Variants in BCOR observed in about 807,000 individuals in gnomAD.
BCOR encodes the protein BCL6 corepressor.
Under a neutral mutation model 86.7 loss-of-function variants are expected in BCOR, and 10 were observed. The ratio of observed to expected loss-of-function variants is 0.12; its 90% confidence interval spans 0.07 to 0.20. The LOEUF is 0.20. BCOR is among the 10% of genes least tolerant of loss of function. The pLI is 1.00. For missense variants in BCOR, 1,259 were observed against 1,452.1 expected, an observed-to-expected ratio of 0.87 and a Z score of 2.16; for synonymous variants, 611 against 609.0, an observed-to-expected ratio of 1.00 and a Z score of -0.05.
intron 1 of BCOR, among the ~76,000 whole-genome samples, chrX:40,110,978 G>T (rs749967448): frequency 1.8e-5 from 2 of 110,177 alleles, no homozygotes; most frequent in South Asian, 7.6e-4. Context: ...CTCCCAAAGT[G>T]CTGGGATTAC....
intron 1 of BCOR, among the ~76,000 whole-genome samples, chrX:40,152,377 T>G (rs1000403270): frequency 2.1e-4 from 23 of 111,450 alleles, no homozygotes; most frequent in African/African-American, 6.9e-4. Flanking sequence ...GTTGGAGACC[T>G]GGAGCTTCCC....
chrX:40,112,795 G>C (rs1937332775), intron 1 of BCOR, among the ~76,000 whole-genome samples: 1 of 111,371 alleles, frequency 9.0e-6, no homozygotes, highest in African/African-American at 3.3e-5. Context: ...GCGGGTGCTA[G>C]GGAAACAGTG....
chrX:40,073,649 C>T lies in BCOR; in HGVS notation c.1697G>A (p.Arg566His), dbSNP rs1180666937. 5.8e-6 allele frequency: 7 copies of T among 1,211,154 alleles called. No homozygotes were observed. The highest frequency in any genetic ancestry group is 5.2e-5 in the African/African-American group (3 of 57,484). Residue 566 changes from arginine (R) to histidine (H), a missense_variant, in exon 4 of 15, where the codon CGC (arginine) becomes CAC (histidine). Physicochemically the swap from Arg to His is conservative, Grantham distance 29. Transcript: ENST00000378444. ...NVSGSVSSAG[R>H]PASASPAPNA... ...GGGGGCGGGTGATGCGGAGGCTGGG[C>T]GGCCTGCACTCGACACTGACCCTGA...
chrX:40,143,293 CTCT>C (rs1206870804), intron 1 of BCOR, among the ~76,000 whole-genome samples: 1 of 112,259 alleles, frequency 8.9e-6, no homozygotes, highest in Non-Finnish European at 1.9e-5. Context: ...CTTTCCCTCT[CTCT>C]TGCTTTCGAT....
intron 1 of BCOR, among the ~76,000 whole-genome samples, chrX:40,084,845 G>T (rs1204815935): frequency 8.9e-6 from 1 of 112,187 alleles, no homozygotes; most frequent in African/African-American, 3.2e-5. Context: ...CCTGCAATCT[G>T]CAAGCGAGTC....
chrX:40,126,193 C>T (rs747597425), intron 1 of BCOR, among the ~76,000 whole-genome samples: 219 of 71,625 alleles, frequency 3.1e-3, no homozygotes, highest in Middle Eastern at 0.014. Flanking sequence ...TCCAGCCTGG[C>T]GACAGAGCGA....
upstream of BCOR, among the ~76,000 whole-genome samples, chrX:40,100,668 C>T (rs758887105): frequency 2.1e-4 from 22 of 103,787 alleles, no homozygotes; most frequent in African/African-American, 6.8e-4. Flanking sequence ...CGTTGCACTC[C>T]AGCCTGGGCA....
rs1446726920 is a variant in BCOR, at chrX:40,175,470, A to C, written c.-41+1537T>G. Reference sequence around the variant, plus strand: ...GAGAAAAAATATCGCAACTTTTCCAACAGAAAGTGTGTGCGCACACGAGAG... The same window carrying C: ...GAGAAAAAATATCGCAACTTTTCCACCAGAAAGTGTGTGCGCACACGAGAG... On this transcript the variant is annotated intron_variant, in intron 1 of 14. Coordinates refer to the BCOR transcript ENST00000342274. 2.7e-5 allele frequency among the ~76,000 whole-genome samples: 3 copies of C among 113,180 alleles called. No individual in the cohort carries two copies. In the East Asian group the frequency reaches 8.4e-4, roughly 32 times the overall value.
Position 40,072,986 on chromosome X carries a change from G to A in BCOR, c.2360C>T (p.Pro787Leu), listed in dbSNP as rs376056253. ...PDVPTDKNLK[P>L]NPNWNQGKTV... ...CTTCCCTTGATTCCAGTTGGGGTTC[G>A]GCTTTAGGTTCTTGTCGGTGGGGAC... Residue 787 changes from proline (P) to leucine (L), a missense_variant, in exon 4 of 15, where the codon CCG becomes CTG. Transcript: ENST00000378444. 1.7e-5 allele frequency: 20 copies of A among 1,210,429 alleles called. No homozygotes were observed. Among genetic ancestry groups the A allele is most frequent in the African/African-American group, 8.7e-5 (5 of 57,252 alleles).
At chrX:40,117,978 C>A (rs1937421341) in intron 1 of BCOR, among the ~76,000 whole-genome samples, 1 of 105,861 alleles carries the variant, frequency 9.4e-6, no homozygotes, top group South Asian at 4.3e-4. Context: ...CTCTCTCTCT[C>A]TCTCCACCCC....
chrX:40,089,450 C>T (rs909468410), intron 1 of BCOR, among the ~76,000 whole-genome samples: 47 of 111,501 alleles, frequency 4.2e-4, no homozygotes, highest in Admixed American at 3.0e-3. Flanking sequence ...CCTTATGTAC[C>T]CAAGAACGAG....
intron 1 of BCOR, among the ~76,000 whole-genome samples, chrX:40,096,618 G>C (rs915477107): frequency 9.0e-6 from 1 of 111,276 alleles, no homozygotes; most frequent in Non-Finnish European, 1.9e-5. Context: ...AGCTCGGCTC[G>C]GCCCGAGGCA....
intron 1 of BCOR, among the ~76,000 whole-genome samples, chrX:40,128,470 C>T (rs1430034605): frequency 1.8e-5 from 2 of 111,116 alleles, no homozygotes; most frequent in African/African-American, 3.3e-5. Context: ...CGCTTGAACC[C>T]GGAAAGCAGA....
chrX:40,055,648 T>G (rs1280210441), intron 11 of BCOR, 135 bp from the exon 12 acceptor site: 1 of 708,568 alleles, frequency 1.4e-6, no homozygotes, highest in Non-Finnish European at 2.1e-6. Context: ...GCACAGTATT[T>G]CATCCAGGAG....
Position 40,147,002 on chromosome X carries a change from T to C in BCOR, c.-41+30005A>G, listed in dbSNP as rs772493095. Among the ~76,000 whole-genome samples the C allele has an allele frequency of 2.8e-3, 315 of 111,363 alleles. 1 individual carries two copies. The highest frequency in any genetic ancestry group is 9.7e-3 in the African/African-American group (297 of 30,659). ...GCGGGCCCGGGAGGAGGGGGCGGGC[T>C]CGGAACGTTTCCTTCACCTGCTCGG... On this transcript the variant is annotated intron_variant, in intron 1 of 14. Coordinates refer to the BCOR transcript ENST00000342274.
At chrX:40,108,817 C>T (rs771879387) in intron 1 of BCOR, among the ~76,000 whole-genome samples, 2 of 113,427 alleles carry the variant, frequency 1.8e-5, no homozygotes, top group African/African-American at 6.4e-5. Flanking sequence ...CCTGCGGCAC[C>T]CTCTTCCCTC....
intron 1 of BCOR, among the ~76,000 whole-genome samples, chrX:40,088,485 G>A (rs1936456792): frequency 1.8e-5 from 2 of 111,206 alleles, no homozygotes; most frequent in Non-Finnish European, 3.8e-5. Flanking sequence ...GAGGGGGAGA[G>A]GAGGAGAGAA....
chrX:40,146,935 C>G (rs148030194), intron 1 of BCOR, among the ~76,000 whole-genome samples: 1,126 of 112,419 alleles, frequency 0.01, 4 homozygotes, highest in Middle Eastern at 0.018. Context: ...AGTTTACTTT[C>G]AAGGAGTTGG....
chrX:40,125,399 A>G (rs1227959856), intron 1 of BCOR, among the ~76,000 whole-genome samples: 1 of 111,259 alleles, frequency 9.0e-6, no homozygotes, highest in Non-Finnish European at 1.9e-5. Flanking sequence ...ACGCCTGGCT[A>G]ATTTTTGTAT....
Sources: allele counts gnomAD v4.1 joint callset (sites outside exome capture counted in the v4.1 genomes callset), GRCh38; gene constraint gnomAD v4.1.1; transcripts MANE v1.5; gene names NCBI Gene and HGNC (gene_info 2026-07-23, HGNC 2026-07-21).